ALDH5A1: variants seen among roughly 807,000 people sequenced by gnomAD.
The protein encoded by ALDH5A1 is succinate-semialdehyde dehydrogenase, mitochondrial.
ALDH5A1 carries 33 observed loss-of-function variants against 54.7 expected under a neutral mutation model. The observed-to-expected ratio is 0.60, with a 90% CI of 0.46 to 0.81. The LOEUF (loss-of-function observed/expected upper bound fraction) is 0.81. Among genes scored for constraint, ALDH5A1 ranks in the 30% least tolerant of loss-of-function variants. The pLI is 0.00. For synonymous variants in ALDH5A1, 294 were observed against 292.7 expected (o/e 1.00, Z -0.05); for missense variants, 657 against 711.0 (o/e 0.92, Z 0.86).
chr6:24,533,228 C>G (rs116138573), intron 9 of ALDH5A1, among the ~76,000 whole-genome samples: 1 of 151,986 alleles, frequency 6.6e-6, no homozygotes, highest in African/African-American at 2.4e-5. Flanking sequence ...GCAAAAATGT[C>G]GTGTGGAAAT....
intron 8 of ALDH5A1, among the ~76,000 whole-genome samples, chr6:24,528,858 G>A (rs1006059874): frequency 6.6e-6 from 1 of 151,290 alleles, no homozygotes; most frequent in East Asian, 2.0e-4. Flanking sequence ...TTGTAATCTA[G>A]TAGAGATGTG....
intron 1 of ALDH5A1, among the ~76,000 whole-genome samples, chr6:24,498,824 C>A (rs1764761841): frequency 6.6e-6 from 1 of 152,162 alleles, no homozygotes; most frequent in Admixed American, 6.5e-5. Context: ...ATTGGCCAGA[C>A]ACGGTGGCTC....
At chr6:24,521,881 T>G (rs2874798) in intron 6 of ALDH5A1, among the ~76,000 whole-genome samples, 16,476 of 98,692 alleles carry the variant, frequency 0.17, 848 homozygotes, top group South Asian at 0.24. Context: ...TTTTTTTTTT[T>G]TGTGTGACAG....
chr6:24,521,311 A>G (rs931795134), intron 6 of ALDH5A1, among the ~76,000 whole-genome samples: 3 of 152,252 alleles, frequency 2.0e-5, no homozygotes, highest in African/African-American at 7.2e-5. Flanking sequence ...AGATGAGGAA[A>G]TGAAACTCTA....
In ALDH5A1 at chr6:24,504,923, G is replaced by A. The variant is rs766251446; in HGVS notation, c.664G>A (p.Gly222Ser). 21 of 1,614,102 alleles carry A rather than the reference G, an allele frequency of 1.3e-5. No individual in the cohort carries two copies. In the African/African-American group the frequency reaches 1.3e-4, roughly 10 times the overall value. Residue 222 changes from glycine to serine, a missense_variant, in exon 4 of 10, where the codon GGC becomes AGC. Physicochemically the swap from Gly to Ser is moderately conservative, Grantham distance 56. Around this residue, in one of 2 missense-constraint regions of ALDH5A1, gnomAD observed 425 missense variants for 516.4 expected, o/e 0.82. Coordinates refer to ENST00000357578, the MANE Select transcript of ALDH5A1 (RefSeq NM_001080.3). ...TRKVGAALAA[G>S]CTVVVKPAED... ...GAAGGTGGGGGCCGCCCTGGCAGCC[G>A]GCTGTACTGTCGTGGTGAAGCCTGC...
chr6:24,526,184 G>T (rs1759795269), intron 7 of ALDH5A1, among the ~76,000 whole-genome samples: 1 of 152,128 alleles, frequency 6.6e-6, no homozygotes, highest in South Asian at 2.1e-4. Flanking sequence ...CAAACACACT[G>T]CTGGAGCTGA....
rs774379306 is a variant in ALDH5A1 at position 24,495,016 on chromosome 6, T to G, written c.20T>G (p.Leu7Arg). The change falls in exon 1 of 10, where the codon CTG (leucine) becomes CGG (arginine). Residue 7 changes from leucine to arginine, a missense_variant. Physicochemically the swap from Leu to Arg is moderately radical, Grantham distance 102. Around this residue, in one of 2 missense-constraint regions of ALDH5A1, gnomAD observed 232 missense variants for 194.6 expected, o/e 1.19. Coordinates refer to ENST00000357578, the MANE Select transcript of ALDH5A1 (RefSeq NM_001080.3). The part of the protein sequence containing the change: MATCIW[L>R]RSCGARRLGS... ...CGGGCCATGGCGACCTGCATTTGGC[T>G]GCGGAGCTGTGGGGCCCGGCGCCTC... 5 of 1,328,192 alleles carry G rather than the reference T, an allele frequency of 3.8e-6. No individual in the cohort carries two copies. Among genetic ancestry groups the G allele is most frequent in the Non-Finnish European group, 4.8e-6 (5 of 1,042,480 alleles). 82.3% of individuals were successfully genotyped at this position (1,328,192 alleles called of 1,614,324 possible).
At chr6:24,511,034 C>T (rs1225067589) in intron 4 of ALDH5A1, among the ~76,000 whole-genome samples, 1 of 152,176 alleles carries the variant, frequency 6.6e-6, no homozygotes, top group Admixed American at 6.5e-5. Context: ...CGAATTCTCT[C>T]AGCATGTGTT....
At position 24,528,058 on chromosome 6, in the gene ALDH5A1, G is replaced by A. The variant is rs760658291; in HGVS notation, c.1235G>A (p.Arg412Gln). Residue 412 changes from arginine (R) to glutamine (Q), a missense_variant, in exon 8 of 10, where the codon CGA becomes CAA. Arg to Gln is a conservative substitution (Grantham distance 43). This residue lies in a region of ALDH5A1 where 425 missense variants were observed against 516.4 expected (regional missense o/e 0.82). Transcript: ENST00000357578. ...GCCACCGTTGTGACAGGTGGAAAAC[G>A]ACACCAACTTGGAAAAAATTTCTTT... The part of the protein sequence containing the change: ...KGATVVTGGK[R>Q]HQLGKNFFEP... 9 of 1,613,936 alleles carry A rather than the reference G, an allele frequency of 5.6e-6. No individual in the cohort carries two copies. In the East Asian group the frequency reaches 6.7e-5, roughly 12 times the overall value.
rs967936065 is a variant in ALDH5A1 at position 24,534,591 on chromosome 6, T to A, written c.*879T>A. The A allele has an allele frequency of 1.3e-5, 2 of 152,252 alleles. No homozygotes were observed. The highest frequency in any genetic ancestry group is 4.8e-5 in the African/African-American group (2 of 41,428). 9.4% of individuals were successfully genotyped at this position (152,252 alleles called of 1,614,324 possible). ...TCCATACAGGCCTTACTTAGCTCCT[T>A]GCGATACTGTGAGCCAGAGAGAAAG... is the stretch of plus-strand genomic sequence containing the variant. On this transcript the variant is annotated 3_prime_UTR_variant, in exon 10 of 10. Coordinates refer to ENST00000357578, the MANE Select transcript of ALDH5A1 (RefSeq NM_001080.3).
chr6:24,523,019 TAG>T (rs769561994), intron 7 of ALDH5A1, 94 bp downstream of exon 7: 1 of 693,696 alleles, frequency 1.4e-6, no homozygotes, highest in Non-Finnish European at 2.3e-6. Context: ...GGGGTGGGGA[TAG>T]AGAGGGGTGG....
At chr6:24,505,443 G>T (rs555048658) in intron 4 of ALDH5A1, among the ~76,000 whole-genome samples, 2 of 150,864 alleles carry the variant, frequency 1.3e-5, no homozygotes, top group South Asian at 2.1e-4. Flanking sequence ...CACCCCCCCA[G>T]TATGTCTCTG....
chr6:24,519,546 C>T (rs569425951), intron 5 of ALDH5A1, among the ~76,000 whole-genome samples: 1 of 152,130 alleles, frequency 6.6e-6, no homozygotes, highest in East Asian at 1.9e-4. Flanking sequence ...GCCTGGGCAA[C>T]AGAGCGAGAC....
chr6:24,501,927 A>G (rs201820126), intron 1 of ALDH5A1, among the ~76,000 whole-genome samples: 30,158 of 147,850 alleles, frequency 0.2, 3,358 homozygotes, highest in Non-Finnish European at 0.26. Context: ...GTATATATAT[A>G]TGTGTGTGTG....
rs1234197652 is a variant in ALDH5A1, at chr6:24,520,508, A to T, written c.978A>T (p.Ala326=). Residue 326 remains alanine, a synonymous_variant, in exon 6 of 10, where the codon GCA becomes GCT. Coordinates refer to ENST00000357578, the MANE Select transcript of ALDH5A1 (RefSeq NM_001080.3). ...GTGCCAACGTGGACCAGGCTGTAGC[A>T]GGGGCCATGGCATCTAAATTTAGGA... is the stretch of plus-strand genomic sequence containing the variant. The part of the protein sequence containing the change: ...FDSANVDQAV[A]GAMASKFRNT... 3 of 1,614,028 alleles carry T rather than the reference A, an allele frequency of 1.9e-6. No homozygotes were observed. Among genetic ancestry groups the T allele is most frequent in the Non-Finnish European group, 1.7e-6 (2 of 1,180,038 alleles).
At chr6:24,525,778 C>T (rs1215234469) in intron 7 of ALDH5A1, among the ~76,000 whole-genome samples, 1 of 152,092 alleles carries the variant, frequency 6.6e-6, no homozygotes, top group Non-Finnish European at 1.5e-5. Context: ...TTTTAAACGA[C>T]AGAGCCTTTC....
At chr6:24,501,821 T>G (rs1764823465) in intron 1 of ALDH5A1, among the ~76,000 whole-genome samples, 1 of 151,948 alleles carries the variant, frequency 6.6e-6, no homozygotes, top group African/African-American at 2.4e-5. Context: ...AAGTTCAATG[T>G]ATGTTTCCCC....
chr6:24,495,002 G>C lies in ALDH5A1; in HGVS notation c.6G>C (p.Ala2=). 2.3e-6 allele frequency: 3 copies of C among 1,319,692 alleles called. No individual in the cohort carries two copies. Among genetic ancestry groups the C allele is most frequent in the Middle Eastern group, 2.9e-4 (1 of 3,458 alleles). The allele number at this position is 1,319,692 out of a possible 1,614,324, so 81.7% of individuals were successfully genotyped here. Residue 2 remains alanine, a synonymous_variant, in exon 1 of 10, where the codon GCG becomes GCC. Coordinates refer to ENST00000357578, the MANE Select transcript of ALDH5A1 (RefSeq NM_001080.3). M[A]TCIWLRSCGA... is the part of the protein sequence containing the mutation. ...TCGCCGTCGTTGCCCGGGCCATGGC[G>C]ACCTGCATTTGGCTGCGGAGCTGTG...
intron 6 of ALDH5A1, 30 bp downstream of exon 6, chr6:24,520,574 T>C: frequency 1.2e-6 from 2 of 1,613,198 alleles, no homozygotes. Context: ...TCAGGATGTG[T>C]GTTTGCGTGT....
Sources: gnomAD v4.1 joint callset for allele counts (sites outside exome capture counted in the v4.1 genomes callset) on GRCh38, gnomAD v4.1.1 for gene constraint, gnomAD v4.1.1 regional missense constraint, MANE v1.5 for transcripts, NCBI Gene and HGNC (gene_info 2026-07-23, HGNC 2026-07-21) for gene names.